Variants in MAD1L1 observed in about 807,000 individuals in gnomAD.
MAD1L1 encodes the protein mitotic spindle assembly checkpoint protein MAD1.
MAD1L1 carries 95 observed loss-of-function variants against 96.9 expected under a neutral mutation model. The ratio of observed to expected loss-of-function variants is 0.98; its 90% CI spans 0.83 to 1.16. MAD1L1 has a LOEUF of 1.16. Ranked by LOEUF, MAD1L1 falls within the 50% of genes most tolerant of loss-of-function variation. MAD1L1 has a pLI of 0.00. For synonymous variants in MAD1L1, 473 were observed against 396.6 expected, an observed-to-expected ratio of 1.19 and a Z score of -2.29; for missense variants, 1,007 against 954.4, an observed-to-expected ratio of 1.06 and a Z score of -0.73.
chr7:1,960,274 TGAA>T (rs1037897759), intron 15 of MAD1L1, among the ~76,000 whole-genome samples: 3 of 137,758 alleles, frequency 2.2e-5, no homozygotes, highest in Non-Finnish European at 3.1e-5. Flanking sequence ...GAAACAGAAA[TGAA>T]GAAGAGACAG....
chr7:1,940,935 C>CCCG (rs1554300971), intron 16 of MAD1L1, among the ~76,000 whole-genome samples: 6 of 93,958 alleles, frequency 6.4e-5, no homozygotes, highest in Non-Finnish European at 9.6e-5. Context: ...CCCTCCTCCC[C>CCCG]CAGGCCTCAC....
At chr7:1,975,027 G>A (rs1338370641) in intron 15 of MAD1L1, among the ~76,000 whole-genome samples, 2 of 152,276 alleles carry the variant, frequency 1.3e-5, no homozygotes, top group African/African-American at 2.4e-5. Flanking sequence ...AGGCGCAGGG[G>A]CCGCTGTCGC....
At chr7:2,182,984 A>G (rs1791275097) in intron 10 of MAD1L1, among the ~76,000 whole-genome samples, 2 of 152,052 alleles carry the variant, frequency 1.3e-5, no homozygotes, top group Admixed American at 6.5e-5. Context: ...GCCCTCTGAG[A>G]GGCCAGTGTG....
intron 18 of MAD1L1, among the ~76,000 whole-genome samples, chr7:1,841,862 T>C (rs757705282): frequency 1.3e-5 from 2 of 152,222 alleles, no homozygotes; most frequent in South Asian, 2.1e-4. Flanking sequence ...CTCCCCTTCC[T>C]GAGCTGGGAT....
At chr7:1,958,728 G>A (rs989179068) in intron 15 of MAD1L1, among the ~76,000 whole-genome samples, 12 of 152,154 alleles carry the variant, frequency 7.9e-5, no homozygotes, top group African/African-American at 2.7e-4. Context: ...ACCAAACAAC[G>A]AATACCTACC....
At chr7:1,900,960 G>A (rs909606171) in intron 17 of MAD1L1, among the ~76,000 whole-genome samples, 2 of 152,072 alleles carry the variant, frequency 1.3e-5, no homozygotes, top group Admixed American at 6.5e-5. Flanking sequence ...CCACCCATGC[G>A]GCTGGGAGCA....
At chr7:2,215,136 T>C (rs755981340) in intron 9 of MAD1L1, among the ~76,000 whole-genome samples, 1 of 152,116 alleles carries the variant, frequency 6.6e-6, no homozygotes, top group Non-Finnish European at 1.5e-5. Flanking sequence ...CCCAGCACTT[T>C]GGGAGGCTGA....
intron 17 of MAD1L1, 21 bp from the exon 18 acceptor site, chr7:1,898,411 G>A: frequency 6.2e-7 from 1 of 1,609,370 alleles, no homozygotes; most frequent in Non-Finnish European, 8.5e-7. Flanking sequence ...GACGGAAGGA[G>A]ACAGTGAGTG....
chr7:1,898,277 T>C lies in MAD1L1; in HGVS notation c.1921A>G (p.Ile641Val), dbSNP rs781718930. The C allele has an allele frequency of 1.9e-6, 3 of 1,614,122 alleles. No homozygotes were observed. Among genetic ancestry groups the C allele is most frequent in the Non-Finnish European group, 2.5e-6 (3 of 1,180,012 alleles). The change falls in exon 18 of 19, where the codon ATC becomes GTC. Residue 641 changes from isoleucine (I) to valine (V), a missense_variant. Physicochemically the swap from Ile to Val is conservative, Grantham distance 29. Transcript: ENST00000265854. ...KACYTLTGYQ[I>V]DITTENQYRL... ...TACTGGTTCTCCGTGGTGATGTCGA[T>C]CTGGTAGCCGGTGAGCGTGTAGCAG...
rs1789339983 is a variant in MAD1L1, at chr7:2,146,938, C to T, written c.1073+2214G>A. ...CGCAAGCACCAAGGCCACGACGGGA[C>T]TCATCCACACCTCATTGGCCACTGC... On this transcript the variant is annotated intron_variant, in intron 11 of 18. Transcript: ENST00000265854. The surrounding 1 kb of genome is among the most constrained non-coding windows in gnomAD (Gnocchi z 6.2). 1.3e-5 allele frequency among the ~76,000 whole-genome samples: 2 copies of T among 152,158 alleles called. No individual in the cohort carries two copies. Among genetic ancestry groups the T allele is most frequent in the Non-Finnish European group, 2.9e-5 (2 of 68,030 alleles).
At chr7:1,836,165 G>A (rs1782927845) in intron 18 of MAD1L1, among the ~76,000 whole-genome samples, 1 of 152,140 alleles carries the variant, frequency 6.6e-6, no homozygotes, top group African/African-American at 2.4e-5. Flanking sequence ...GGGATTACAG[G>A]CATGCACCAC....
At chr7:2,004,488 A>G (rs1376531061) in intron 13 of MAD1L1, among the ~76,000 whole-genome samples, 1 of 152,252 alleles carries the variant, frequency 6.6e-6, no homozygotes, top group African/African-American at 2.4e-5. Context: ...TTACAGGAGC[A>G]GCTTAGAAGA....
intron 11 of MAD1L1, among the ~76,000 whole-genome samples, chr7:2,100,733 G>A (rs1330164667): frequency 6.6e-6 from 1 of 152,224 alleles, no homozygotes; most frequent in Non-Finnish European, 1.5e-5. Context: ...ACTTCATCTT[G>A]GCAGCTCATT....
chr7:2,160,612 C>T (rs1006278328), intron 10 of MAD1L1, among the ~76,000 whole-genome samples: 9 of 151,820 alleles, frequency 5.9e-5, no homozygotes, highest in Middle Eastern at 6.8e-3. Context: ...GGATTACAGG[C>T]GTGAGCCACC....
chr7:2,105,884 G>C (rs1787064376), intron 11 of MAD1L1, among the ~76,000 whole-genome samples: 1 of 152,034 alleles, frequency 6.6e-6, no homozygotes. Context: ...CATCGTCACA[G>C]ATGCCACCTA....
At chr7:2,068,787 C>G (rs1784995695) in intron 12 of MAD1L1, among the ~76,000 whole-genome samples, 1 of 152,224 alleles carries the variant, frequency 6.6e-6, no homozygotes, top group Non-Finnish European at 1.5e-5. Context: ...CACCTGGAAG[C>G]AGGTGACAGC....
intron 18 of MAD1L1, among the ~76,000 whole-genome samples, chr7:1,852,086 C>T (rs1321343845): frequency 1.3e-5 from 2 of 152,194 alleles, no homozygotes; most frequent in South Asian, 2.1e-4. Context: ...GAGGGGCCCT[C>T]CTGAGGCCCG....
At chr7:1,875,110 T>C (rs561146467) in intron 18 of MAD1L1, among the ~76,000 whole-genome samples, 47 of 152,240 alleles carry the variant, frequency 3.1e-4, no homozygotes, top group Middle Eastern at 6.8e-3. Flanking sequence ...CCCTTCCTTC[T>C]GCCCCAGAGA....
intron 11 of MAD1L1, among the ~76,000 whole-genome samples, chr7:2,122,956 T>C (rs1050419050): frequency 2.0e-5 from 3 of 152,144 alleles, no homozygotes; most frequent in Non-Finnish European, 2.9e-5. Context: ...GAGAAGTGTA[T>C]TATCAAGGCG....
Sources: gnomAD v4.1 joint callset for allele counts (sites outside exome capture counted in the v4.1 genomes callset) on GRCh38, gnomAD v4.1.1 for gene constraint, Gnocchi (gnomAD v3.1) non-coding constraint, MANE v1.5 for transcripts, NCBI Gene and HGNC (gene_info 2026-07-23, HGNC 2026-07-21) for gene names.